CCDC40: variants seen among roughly 807,000 people sequenced by gnomAD.
CCDC40 encodes the protein coiled-coil domain 40 molecular ruler complex subunit, also known as coiled-coil domain-containing protein 40.
CCDC40 carries 104 observed loss-of-function variants against 124.5 expected under a neutral mutation model. That is an observed-to-expected ratio of 0.84 (90% CI 0.71 to 0.98). The LOEUF (loss-of-function observed/expected upper bound fraction) is 0.98. Among genes scored for constraint, CCDC40 ranks in the 50% least tolerant of loss-of-function variants. The pLI, the probability that CCDC40 is intolerant of heterozygous loss-of-function variation, is 0.00. For synonymous variants in CCDC40, 580 were observed against 602.9 expected (o/e 0.96, Z 0.56); for missense variants, 1,463 against 1,503.9 (o/e 0.97, Z 0.45).
At chr17:80,076,291 C>T (rs1170830995) in intron 10 of CCDC40, among the ~76,000 whole-genome samples, 1 of 151,956 alleles carries the variant, frequency 6.6e-6, no homozygotes, top group African/African-American at 2.4e-5. Context: ...TTAAGATTGC[C>T]GTCCAGGTGG....
chr17:80,056,000 A>ATTTTTTTTTTTTTTT (rs1285051283), intron 7 of CCDC40, among the ~76,000 whole-genome samples: 1 of 7,572 alleles, frequency 1.3e-4, no homozygotes, highest in African/African-American at 3.8e-4. Flanking sequence ...ATATATATAT[A>ATTTTTTTTTTTTTTT]TATATATATA....
chr17:80,048,611 C>A lies in CCDC40; in HGVS notation c.705C>A (p.His235Gln). The A allele has an allele frequency of 1.2e-6, 2 of 1,613,932 alleles. No individual in the cohort carries two copies. The highest frequency in any genetic ancestry group is 1.7e-6 in the Non-Finnish European group (2 of 1,179,958). The part of the protein sequence containing the change: ...PVIPPGVPDA[H>Q]PREGDLPVFQ... Reference sequence around the variant, plus strand: ...TCCCCCCAGGGGTGCCCGATGCCCACCCCAGGGAAGGAGACCTGCCAGTGT... The same window carrying A: ...TCCCCCCAGGGGTGCCCGATGCCCAACCCAGGGAAGGAGACCTGCCAGTGT... The change falls in exon 5 of 20, where the codon CAC (histidine) becomes CAA (glutamine). Residue 235 changes from histidine to glutamine, a missense_variant. Coordinates refer to ENST00000397545, the MANE Select transcript of CCDC40 (RefSeq NM_017950.4).
At chr17:80,094,248 A>G (rs929241298) in intron 17 of CCDC40, among the ~76,000 whole-genome samples, 5 of 54,684 alleles carry the variant, frequency 9.1e-5, no homozygotes, top group African/African-American at 2.0e-4. Flanking sequence ...GTCTCTACTG[A>G]AAAAAAAAAA....
rs761821974 is a variant in CCDC40 at position 80,086,225 on chromosome 17, C to T, written c.2449+9C>T. ...GAAACTACGAGTAGAAAGTAAGAGC[C>T]GCCGTGCCCGGCCCTGCAGTGATGC... On this transcript the variant is annotated intron_variant, in intron 14 of 19. Coordinates refer to ENST00000397545, the MANE Select transcript of CCDC40 (RefSeq NM_017950.4). The surrounding 1 kb of genome is among the most constrained non-coding windows in gnomAD (Gnocchi z 5.5). 1.1e-5 allele frequency: 17 copies of T among 1,579,538 alleles called. No individual in the cohort carries two copies. The highest frequency in any genetic ancestry group is 3.4e-5 in the South Asian group (3 of 87,186).
rs755747237 is a variant in CCDC40, at chr17:80,097,221, A to G, written c.3022-24A>G. On this transcript the variant is annotated intron_variant, in intron 18 of 19. Transcript: ENST00000397545. The stretch of plus-strand genomic sequence containing the variant: ...CCAAGTAGCCGGGCTGCAGGGGCCC[A>G]GCATGGTCCTGTGATTCTCCTAGGC... 11 of 1,613,584 alleles carry G rather than the reference A, an allele frequency of 6.8e-6. 1 individual carries two copies. The highest frequency in any genetic ancestry group is 5.3e-5 in the African/African-American group (4 of 75,058).
chr17:80,071,782 C>T (rs1043489387), intron 10 of CCDC40, among the ~76,000 whole-genome samples: 3 of 148,190 alleles, frequency 2.0e-5, no homozygotes, highest in East Asian at 2.0e-4. Context: ...TGGGCTGAGC[C>T]GGGGTGCCTG....
At chr17:80,043,038 G>A (rs925173281) in intron 3 of CCDC40, among the ~76,000 whole-genome samples, 4 of 152,274 alleles carry the variant, frequency 2.6e-5, no homozygotes, top group African/African-American at 7.2e-5. Flanking sequence ...ACTTTGGAGT[G>A]ATGTGAATGT....
At chr17:80,092,190 T>A (rs1472668833) in intron 17 of CCDC40, 1 of 152,288 alleles carries the variant, frequency 6.6e-6, no homozygotes, top group Admixed American at 6.6e-5. Context: ...TGTGCCACCA[T>A]GCCTGGCTAA....
chr17:80,070,227 A>C (rs1047501178), intron 10 of CCDC40, among the ~76,000 whole-genome samples: 1 of 152,212 alleles, frequency 6.6e-6, no homozygotes, highest in Admixed American at 6.5e-5. Context: ...CCAATGCCCC[A>C]TATACCCAAG....
At chr17:80,037,717 A>ATATATATATATATATG (rs1254082523) in intron 1 of CCDC40, among the ~76,000 whole-genome samples, 3 of 142,998 alleles carry the variant, frequency 2.1e-5, no homozygotes, top group Non-Finnish European at 4.6e-5. Context: ...ATATATATAT[A>ATATATATATATATATG]TATTCCTGTG....
chr17:80,067,931 G>A, intron 10 of CCDC40: 1 of 1,262,502 alleles, frequency 7.9e-7, no homozygotes, highest in East Asian at 3.5e-5. Flanking sequence ...AGTGGACTAT[G>A]TACACGCACA....
intron 10 of CCDC40, chr17:80,067,475 C>G (rs1026832235): frequency 1.1e-6 from 1 of 909,456 alleles, no homozygotes; most frequent in East Asian, 2.6e-5. Flanking sequence ...ACTCACTGTT[C>G]TGCACCTCTT....
chr17:80,056,069 C>A (rs1361371253), intron 7 of CCDC40, among the ~76,000 whole-genome samples: 3 of 131,076 alleles, frequency 2.3e-5, no homozygotes, highest in East Asian at 2.3e-4. Flanking sequence ...CCAGGCTGGT[C>A]TCCAATTCCT....
At chr17:80,060,904 A>C (rs2037878658) in intron 9 of CCDC40, among the ~76,000 whole-genome samples, 1 of 152,270 alleles carries the variant, frequency 6.6e-6, no homozygotes, top group South Asian at 2.1e-4. Context: ...TCTTTTCCTC[A>C]TACCAGACAC....
chr17:80,098,448 G>A (rs912967909), intron 19 of CCDC40, among the ~76,000 whole-genome samples: 1 of 152,360 alleles, frequency 6.6e-6, no homozygotes, highest in South Asian at 2.1e-4. Flanking sequence ...GCTTCAGGGC[G>A]GCCCCTGTGG....
intron 10 of CCDC40, among the ~76,000 whole-genome samples, chr17:80,069,192 G>A (rs1044698321): frequency 5.3e-5 from 8 of 151,726 alleles, no homozygotes; most frequent in African/African-American, 9.7e-5. Context: ...GTCTGATGTC[G>A]AGTCTACAAC....
At chr17:80,095,040 G>A (rs371591124) in intron 17 of CCDC40, among the ~76,000 whole-genome samples, 1 of 152,148 alleles carries the variant, frequency 6.6e-6, no homozygotes, top group Non-Finnish European at 1.5e-5. Context: ...CTCAGGTCTC[G>A]GCCATTTCTC....
chr17:80,046,808 C>T (rs1349871510), intron 3 of CCDC40, among the ~76,000 whole-genome samples: 1 of 152,112 alleles, frequency 6.6e-6, no homozygotes, highest in Non-Finnish European at 1.5e-5. Flanking sequence ...AAGAAAATGT[C>T]TTCCCTTCAT....
rs61749025 is a variant in CCDC40, at chr17:80,087,765, C to T, written c.2608C>T (p.Arg870Cys). The T allele has an allele frequency of 1.3e-3, 2,038 of 1,614,006 alleles. 23 individuals are homozygous for T. The African/African-American group carries it at 0.024, about 19-fold the overall frequency. Residue 870 changes from arginine to cysteine, a missense_variant, in exon 15 of 20, where the codon CGC becomes TGC. Transcript: ENST00000397545. This position sits in a 1 kb window ranked among gnomAD's most constrained non-coding sequence, Gnocchi z 4.5. Reference protein sequence around the residue: ...NNRVTENEFVRSLKASERETI... With the variant: ...NNRVTENEFVCSLKASERETI... ...CCGGGTGACAGAGAATGAGTTCGTG[C>T]GCTCGCTGAAGGTCCGGCCGTGTCC...
Sources: gnomAD v4.1 joint callset for allele counts (sites outside exome capture counted in the v4.1 genomes callset) on GRCh38, gnomAD v4.1.1 for gene constraint, Gnocchi (gnomAD v3.1) non-coding constraint, MANE v1.5 for transcripts, NCBI Gene and HGNC (gene_info 2026-07-23, HGNC 2026-07-21) for gene names.